Variants in DOCK9 observed in about 807,000 individuals in gnomAD.
DOCK9 encodes dedicator of cytokinesis protein 9.
DOCK9 carries 89 observed loss-of-function variants against 263.3 expected under a neutral mutation model. That is an observed-to-expected ratio of 0.34 (90% confidence interval 0.28 to 0.40). The LOEUF is 0.40. Ranked by LOEUF, DOCK9 falls within the 10% of genes least tolerant of loss-of-function variation. DOCK9 has a pLI of 1.00. For missense variants in DOCK9, 2,140 were observed against 2,603.4 expected (o/e 0.82, Z 3.87); for synonymous variants, 976 against 973.1 (o/e 1.00, Z -0.06).
At chr13:98,834,933 G>A (rs2092931119) in intron 39 of DOCK9, among the ~76,000 whole-genome samples, 1 of 152,136 alleles carries the variant, frequency 6.6e-6, no homozygotes, top group Non-Finnish European at 1.5e-5. Context: ...TGGTGAACAA[G>A]ACCTTTGGAC....
At chr13:98,900,120 A>G (rs1595119532) in intron 13 of DOCK9, among the ~76,000 whole-genome samples, 2 of 152,100 alleles carry the variant, frequency 1.3e-5, no homozygotes, top group African/African-American at 2.4e-5. Flanking sequence ...GGTGGCAGAA[A>G]AGTAAATGCA....
intron 1 of DOCK9, among the ~76,000 whole-genome samples, chr13:99,085,631 C>T (rs1269194010): frequency 6.6e-6 from 1 of 152,076 alleles, no homozygotes; most frequent in African/African-American, 2.4e-5. Context: ...CCCATCATGC[C>T]CCCCAAGCCT....
At chr13:98,803,211 C>T (rs1488731203) in intron 49 of DOCK9, among the ~76,000 whole-genome samples, 7 of 152,304 alleles carry the variant, frequency 4.6e-5, no homozygotes, top group African/African-American at 7.2e-5. Context: ...CCCTTGTTCC[C>T]GCAGATACAG....
intron 9 of DOCK9, among the ~76,000 whole-genome samples, chr13:98,905,211 G>C (rs1317183499): frequency 2.0e-5 from 3 of 152,192 alleles, no homozygotes; most frequent in African/African-American, 7.2e-5. Flanking sequence ...TAGAGAAAAT[G>C]ATGGCTGATC....
At position 98,938,100 on chromosome 13, in the gene DOCK9, C is replaced by T. The variant is rs147558046; in HGVS notation, c.244-7843G>A. Among the ~76,000 whole-genome samples, 1,193 of 152,326 alleles carry T rather than the reference C, an allele frequency of 7.8e-3. 16 individuals carry two copies. The highest frequency in any genetic ancestry group is 0.027 in the African/African-American group (1,136 of 41,576). ...CCCTCTCTCCTAACGACATTCCTGA[C>T]CCCAACCTGGCCGGGGCTCTGTCTG... is the stretch of plus-strand genomic sequence containing the variant. On this transcript the variant is annotated intron_variant, in intron 2 of 52. Transcript: ENST00000682017.
upstream of DOCK9, among the ~76,000 whole-genome samples, chr13:98,979,365 AG>A (rs1431187769): frequency 8.7e-4 from 132 of 152,218 alleles, no homozygotes; most frequent in African/African-American, 2.8e-3. Flanking sequence ...CACAGGTAAA[AG>A]TCTCCCACTT....
At chr13:98,964,702 G>A (rs1296157780) in intron 1 of DOCK9, among the ~76,000 whole-genome samples, 1 of 152,234 alleles carries the variant, frequency 6.6e-6, no homozygotes, top group Admixed American at 6.5e-5. Context: ...GGATAAGGCT[G>A]CATAAAGGGG....
At chr13:99,043,931 C>G (rs1016111760) in intron 1 of DOCK9, among the ~76,000 whole-genome samples, 62 of 152,134 alleles carry the variant, frequency 4.1e-4, no homozygotes, top group Non-Finnish European at 6.3e-4. Flanking sequence ...AGAAGAGCAC[C>G]TCATACACTG....
chr13:98,896,401 T>C (rs2047434297), intron 15 of DOCK9, among the ~76,000 whole-genome samples: 1 of 145,442 alleles, frequency 6.9e-6, no homozygotes, highest in Non-Finnish European at 1.5e-5. Flanking sequence ...TGAAGACAGA[T>C]AAGAAAAAGG....
At chr13:98,997,337 T>C (rs555142656) in intron 1 of DOCK9, among the ~76,000 whole-genome samples, 2 of 152,272 alleles carry the variant, frequency 1.3e-5, no homozygotes, top group Non-Finnish European at 2.9e-5. Context: ...ATAAGAAAAC[T>C]TGGAGTAAAA....
chr13:99,049,373 T>G (rs913950713), intron 1 of DOCK9, among the ~76,000 whole-genome samples: 1 of 152,122 alleles, frequency 6.6e-6, no homozygotes, highest in Admixed American at 6.5e-5. Context: ...GGTGTGGCCA[T>G]GGAGTAAGGA....
chr13:99,038,404 A>C (rs1888149143), intron 1 of DOCK9, among the ~76,000 whole-genome samples: 1 of 142,306 alleles, frequency 7.0e-6, no homozygotes, highest in East Asian at 2.1e-4. Flanking sequence ...TCCTGGGTTC[A>C]AGCGATTCTC....
chr13:98,986,193 T>C (rs1177285866), intron 1 of DOCK9, among the ~76,000 whole-genome samples: 1 of 152,258 alleles, frequency 6.6e-6, no homozygotes, highest in African/African-American at 2.4e-5. Flanking sequence ...TCATTGGTTT[T>C]GTAGACCTTA....
chr13:99,003,423 C>T (rs1331934672), intron 1 of DOCK9, among the ~76,000 whole-genome samples: 18 of 152,188 alleles, frequency 1.2e-4, no homozygotes, highest in Non-Finnish European at 1.5e-5. Context: ...AGATCTCATC[C>T]CCTTCCATCC....
chr13:98,936,670 T>C (rs1485904380), intron 2 of DOCK9, among the ~76,000 whole-genome samples: 1 of 149,388 alleles, frequency 6.7e-6, no homozygotes, highest in African/African-American at 2.5e-5. Flanking sequence ...AAGCAGTCAA[T>C]GGAGACAGAA....
intron 1 of DOCK9, among the ~76,000 whole-genome samples, chr13:99,078,366 G>A (rs556754138): frequency 1.6e-3 from 244 of 152,336 alleles, no homozygotes; most frequent in African/African-American, 5.6e-3. Context: ...AACAAAAAGA[G>A]TGAAGAAGAT....
At chr13:99,073,356 T>C (rs1051719752) in intron 1 of DOCK9, among the ~76,000 whole-genome samples, 1 of 116,392 alleles carries the variant, frequency 8.6e-6, no homozygotes, top group African/African-American at 3.0e-5. Context: ...CTCTTCTTCT[T>C]CTTTTCTCTC....
intron 1 of DOCK9, among the ~76,000 whole-genome samples, chr13:99,084,992 A>G (rs1405293292): frequency 6.6e-6 from 1 of 152,234 alleles, no homozygotes; most frequent in Non-Finnish European, 1.5e-5. Flanking sequence ...CTTGTTTACT[A>G]TGGATCAAAC....
intron 1 of DOCK9, among the ~76,000 whole-genome samples, chr13:98,961,279 AG>A (rs899807395): frequency 6.6e-6 from 1 of 152,188 alleles, no homozygotes; most frequent in Non-Finnish European, 1.5e-5. Flanking sequence ...GGCAGATGCA[AG>A]GTTTCCAGTC....
Sources: allele counts gnomAD v4.1 joint callset (sites outside exome capture counted in the v4.1 genomes callset), GRCh38; gene constraint gnomAD v4.1.1; transcripts MANE v1.5; gene names NCBI Gene and HGNC (gene_info 2026-07-23, HGNC 2026-07-21).